Variants in CNBD1 observed in about 807,000 individuals in gnomAD.
CNBD1 encodes the protein cyclic nucleotide binding domain containing 1, also known as cyclic nucleotide-binding domain-containing protein 1.
CNBD1 carries 71 observed loss-of-function variants against 54.4 expected under a neutral mutation model. The ratio of observed to expected loss-of-function variants is 1.30; its 90% CI spans 1.08 to 1.59. CNBD1 has a LOEUF of 1.59. CNBD1 is among the 40% of genes most tolerant of loss of function. The pLI is 0.00. For missense variants in CNBD1, 659 were observed against 518.0 expected, an observed-to-expected ratio of 1.27 and a Z score of -2.64; for synonymous variants, 182 against 170.7, an observed-to-expected ratio of 1.07 and a Z score of -0.51.
chr8:87,334,913 C>G (rs140092709), intron 8 of CNBD1, among the ~76,000 whole-genome samples: 1 of 151,748 alleles, frequency 6.6e-6, no homozygotes, highest in South Asian at 2.1e-4. Context: ...TTAGTAGAGA[C>G]GGGGTTTCCA....
At chr8:87,223,784 A>G (rs1814406164) in intron 5 of CNBD1, among the ~76,000 whole-genome samples, 1 of 151,992 alleles carries the variant, frequency 6.6e-6, no homozygotes, top group Non-Finnish European at 1.5e-5. Context: ...GTCAAATGGT[A>G]TTTCCAGTTC....
intron 8 of CNBD1, among the ~76,000 whole-genome samples, chr8:87,350,587 T>G (rs1743403376): frequency 6.6e-6 from 1 of 151,864 alleles, no homozygotes; most frequent in African/African-American, 2.4e-5. Context: ...TCAATAATTT[T>G]TATTATGTTG....
intron 4 of CNBD1, among the ~76,000 whole-genome samples, chr8:87,161,378 G>A (rs1346443666): frequency 4.6e-5 from 7 of 152,088 alleles, no homozygotes; most frequent in Admixed American, 2.0e-4. Context: ...CACAGCTAAC[G>A]CTTGCAGATA....
intron 5 of CNBD1, among the ~76,000 whole-genome samples, chr8:87,216,889 T>C (rs1001825946): frequency 1.3e-5 from 2 of 152,180 alleles, no homozygotes; most frequent in African/African-American, 4.8e-5. Context: ...TGATGGGTAA[T>C]CTAAAATATC....
chr8:86,884,803 T>G (rs986907491), intron 1 of CNBD1, among the ~76,000 whole-genome samples: 3 of 152,222 alleles, frequency 2.0e-5, no homozygotes. Context: ...TGCTTCTTTG[T>G]GCTCTAAAAA....
intron 4 of CNBD1, among the ~76,000 whole-genome samples, chr8:87,114,608 C>T (rs775962810): frequency 1.9e-4 from 29 of 152,136 alleles, no homozygotes; most frequent in Non-Finnish European, 4.1e-4. Flanking sequence ...GTGTGGCCTC[C>T]CAAATTGCTG....
chr8:86,974,447 T>C (rs1808295746), intron 4 of CNBD1, among the ~76,000 whole-genome samples: 2 of 152,068 alleles, frequency 1.3e-5, no homozygotes, highest in African/African-American at 4.8e-5. Context: ...ACAATACTTG[T>C]GCATATATGT....
chr8:87,144,014 A>G (rs1225931485), intron 4 of CNBD1, among the ~76,000 whole-genome samples: 1 of 152,222 alleles, frequency 6.6e-6, no homozygotes, highest in Non-Finnish European at 1.5e-5. Flanking sequence ...AAATAAGTTA[A>G]ATCTTAAAGG....
chr8:87,241,437 A>T (rs919971178), intron 6 of CNBD1, among the ~76,000 whole-genome samples: 1 of 151,294 alleles, frequency 6.6e-6, no homozygotes, highest in African/African-American at 2.4e-5. Context: ...CGCCTGGCTA[A>T]TTTTTTTTGT....
chr8:86,921,391 AAAAAAT>A (rs1318110144), intron 3 of CNBD1, among the ~76,000 whole-genome samples: 2 of 152,044 alleles, frequency 1.3e-5, no homozygotes, highest in Admixed American at 6.6e-5. Flanking sequence ...AATTTATTCT[AAAAAAT>A]AAAAATAAAA....
At position 87,230,932 on chromosome 8, in the gene CNBD1, C is replaced by T. The variant is rs527380959; in HGVS notation, c.578-5987C>T. On this transcript the variant is annotated intron_variant, in intron 5 of 10. Coordinates refer to ENST00000518476, the MANE Select transcript of CNBD1 (RefSeq NM_173538.3). ...GTTCTAATCAAGAACTATTATTTTG[C>T]TCAATAATTAACAATGTCTTTCTTT... is the stretch of plus-strand genomic sequence containing the variant. 1.1e-3 allele frequency among the ~76,000 whole-genome samples: 167 copies of T among 152,160 alleles called. 1 individual carries two copies. Among genetic ancestry groups the T allele is most frequent in the African/African-American group, 3.9e-3 (160 of 41,506 alleles).
intron 10 of CNBD1, among the ~76,000 whole-genome samples, chr8:87,376,943 G>A (rs1274253826): frequency 1.3e-5 from 2 of 150,418 alleles, no homozygotes; most frequent in Admixed American, 6.6e-5. Flanking sequence ...CACTGTTAGA[G>A]CACATCTTGG....
At chr8:87,066,705 G>A (rs1586233270) in intron 4 of CNBD1, among the ~76,000 whole-genome samples, 2 of 151,658 alleles carry the variant, frequency 1.3e-5, no homozygotes, top group East Asian at 3.9e-4. Context: ...AGAAAATCAA[G>A]TATTTAGAAT....
chr8:87,165,110 A>G (rs538218987), intron 4 of CNBD1, among the ~76,000 whole-genome samples: 4 of 151,718 alleles, frequency 2.6e-5, no homozygotes, highest in Admixed American at 6.6e-5. Flanking sequence ...TCATCCTATC[A>G]TGATCTGAAA....
At chr8:87,138,996 G>A (rs1234323602) in intron 4 of CNBD1, among the ~76,000 whole-genome samples, 1 of 152,168 alleles carries the variant, frequency 6.6e-6, no homozygotes, top group Non-Finnish European at 1.5e-5. Flanking sequence ...AAATTAACAG[G>A]TTAGAGAAGA....
chr8:87,233,093 TACA>T (rs1040489193), intron 5 of CNBD1, among the ~76,000 whole-genome samples: 42 of 152,302 alleles, frequency 2.8e-4, no homozygotes, highest in African/African-American at 7.5e-4. Flanking sequence ...TAATAGTAAC[TACA>T]ACAACATAAA....
At chr8:87,228,463 A>G (rs368499389) in intron 5 of CNBD1, among the ~76,000 whole-genome samples, 17 of 149,024 alleles carry the variant, frequency 1.1e-4, no homozygotes, top group Admixed American at 2.0e-4. Context: ...TCTAACACAC[A>G]GGACCCTCAG....
At chr8:87,029,024 T>G (rs1326580665) in intron 4 of CNBD1, among the ~76,000 whole-genome samples, 1 of 152,214 alleles carries the variant, frequency 6.6e-6, no homozygotes, top group Non-Finnish European at 1.5e-5. Flanking sequence ...ATTGACACAT[T>G]TAAAAAGAAT....
chr8:86,981,432 T>A (rs977782640), intron 4 of CNBD1, among the ~76,000 whole-genome samples: 4 of 152,230 alleles, frequency 2.6e-5, no homozygotes, highest in African/African-American at 4.8e-5. Context: ...TTACCCAGAT[T>A]CTGGTCTTTA....
Sources: allele counts gnomAD v4.1 joint callset (sites outside exome capture counted in the v4.1 genomes callset), GRCh38; gene constraint gnomAD v4.1.1; transcripts MANE v1.5; gene names NCBI Gene and HGNC (gene_info 2026-07-23, HGNC 2026-07-21).